The following SNCB variants were observed in gnomAD, a reference collection of about 807,000 sequenced individuals.
SNCB encodes synuclein beta.
SNCB carries 8 observed loss-of-function variants against 20.0 expected under a neutral mutation model. The ratio of observed to expected loss-of-function variants is 0.40; its 90% CI spans 0.24 to 0.72. The LOEUF is 0.72. Ranked by LOEUF, SNCB falls within the 30% of genes least tolerant of loss-of-function variation. The probability of loss-of-function intolerance (pLI) is 0.37; values close to 1 mark genes in which losing one functional copy is unlikely to be tolerated. For missense variants in SNCB, 125 were observed against 168.0 expected, an observed-to-expected ratio of 0.74 and a Z score of 1.41; for synonymous variants, 56 against 65.4, an observed-to-expected ratio of 0.86 and a Z score of 0.69.
chr5:176,629,052 A>G lies in SNCB; in HGVS notation c.121+482T>C, dbSNP rs376808249. Among the ~76,000 whole-genome samples the G allele has an allele frequency of 4.9e-4, 75 of 152,280 alleles. 1 individual carries two copies. Among genetic ancestry groups the G allele is most frequent in the African/African-American group, 1.6e-3 (66 of 41,566 alleles). Reference sequence around the variant, plus strand: ...GGGGAGGGGTGGGGCTTCAGAATCTATAAAGCTCCGTTCAAACCCCAGCTT... The same window carrying G: ...GGGGAGGGGTGGGGCTTCAGAATCTGTAAAGCTCCGTTCAAACCCCAGCTT... On this transcript the variant is annotated intron_variant, in intron 2 of 5. Coordinates refer to ENST00000393693, the MANE Select transcript of SNCB (RefSeq NM_003085.5). This position sits in a 1 kb window ranked among gnomAD's most constrained non-coding sequence, Gnocchi z 4.1.
chr5:176,621,451 G>A lies in SNCB; in HGVS notation c.283-148C>T, dbSNP rs1759590335. ...TTTCTAATTCAGTTATTTATTTGGA[G>A]TGCCTTGGAAGTGGGATGGAGGTGA... On this transcript the variant is annotated intron_variant, in intron 4 of 5. Coordinates refer to ENST00000393693, the MANE Select transcript of SNCB (RefSeq NM_003085.5). This position sits in a 1 kb window ranked among gnomAD's most constrained non-coding sequence, Gnocchi z 4.1. The A allele has an allele frequency of 1.4e-6, 1 of 719,944 alleles. No individual in the cohort carries two copies. 44.6% of individuals were successfully genotyped at this position (719,944 alleles called of 1,614,324 possible). A position where few individuals can be genotyped will look rare whatever the true frequency, so the allele number is the denominator to read the frequency against.
intron 2 of SNCB, among the ~76,000 whole-genome samples, chr5:176,628,592 C>T (rs750865539): frequency 7.2e-5 from 11 of 152,186 alleles, no homozygotes; most frequent in Non-Finnish European, 1.6e-4. Context: ...CCACTACTTC[C>T]TGCCCTGCCC....
rs1581178683 is a variant in SNCB at position 176,629,674 on chromosome 5, C to T, written c.-9-11G>A. ...GTCCATCCTGGCGGCCTGGGGAGGGCGATACACGGGCACCGGTGCACTGGC... is the reference window on the plus strand; with the variant it reads ...GTCCATCCTGGCGGCCTGGGGAGGGTGATACACGGGCACCGGTGCACTGGC... On this transcript the variant is annotated splice_polypyrimidine_tract_variant and intron_variant, in intron 1 of 5. Coordinates refer to ENST00000393693, the MANE Select transcript of SNCB (RefSeq NM_003085.5). This position sits in a 1 kb window ranked among gnomAD's most constrained non-coding sequence, Gnocchi z 4.1. The T allele has an allele frequency of 4.3e-6, 7 of 1,611,558 alleles. No homozygotes were observed. Among genetic ancestry groups the T allele is most frequent in the African/African-American group, 2.7e-5 (2 of 75,014 alleles).
At position 176,621,393 on chromosome 5, in the gene SNCB, G is replaced by A. The variant is rs114904562; in HGVS notation, c.283-90C>T. The A allele has an allele frequency of 1.0e-3, 1,040 of 1,032,112 alleles. 6 individuals are homozygous for A. The African/African-American group carries it at 0.014, about 14-fold the overall frequency. 63.9% of individuals were successfully genotyped at this position (1,032,112 alleles called of 1,614,324 possible). A position where few individuals can be genotyped will look rare whatever the true frequency, so the allele number is the denominator to read the frequency against. On this transcript the variant is annotated intron_variant, in intron 4 of 5. Transcript: ENST00000393693. The surrounding 1 kb of genome is among the most constrained non-coding windows in gnomAD (Gnocchi z 4.1). ...TAAGCTTTGGGTGGGTTGGAGTGGG[G>A]AAGGCTAGGGTGGGTTGGCAGAGCA...
intron 2 of SNCB, among the ~76,000 whole-genome samples, chr5:176,627,519 C>T (rs1421080307): frequency 6.6e-6 from 1 of 152,164 alleles, no homozygotes; most frequent in Non-Finnish European, 1.5e-5. Context: ...GTCTGGGGGC[C>T]GCTGGGAAGG....
rs6879864 is a variant in SNCB, at chr5:176,629,805, C to T, written c.-9-142G>A. 1,143,201 of 1,160,720 alleles carry T rather than the reference C, an allele frequency of 0.98. 564,749 individuals carry two copies. Among genetic ancestry groups the T allele is most frequent in the East Asian group, 1 (37,362 of 37,362 alleles). The allele number at this position is 1,160,720 out of a possible 1,614,324, so 71.9% of individuals were successfully genotyped here. On this transcript the variant is annotated intron_variant, in intron 1 of 5. Coordinates refer to ENST00000393693, the MANE Select transcript of SNCB (RefSeq NM_003085.5). The surrounding 1 kb of genome is among the most constrained non-coding windows in gnomAD (Gnocchi z 4.1). ...AGCCCCCTCCCGCTTTCCCCCCATC[C>T]CACCCCACTCCCCAGTGCGAAGCCT...
intron 4 of SNCB, among the ~76,000 whole-genome samples, chr5:176,623,612 G>C (rs1487758009): frequency 6.6e-6 from 1 of 152,148 alleles, no homozygotes; most frequent in Admixed American, 6.5e-5. Flanking sequence ...GGGGTCCTGG[G>C]GGGTAGTGTT....
intron 4 of SNCB, among the ~76,000 whole-genome samples, chr5:176,623,428 C>A (rs1209433775): frequency 6.6e-6 from 1 of 152,010 alleles, no homozygotes; most frequent in Non-Finnish European, 1.5e-5. Context: ...GGGCGATAGG[C>A]AGGGCCAGGA....
intron 4 of SNCB, among the ~76,000 whole-genome samples, chr5:176,625,094 G>A (rs968097116): frequency 6.6e-6 from 1 of 152,216 alleles, no homozygotes; most frequent in African/African-American, 2.4e-5. Flanking sequence ...CATTCACAGC[G>A]AATGCCTGCA....
chr5:176,627,632 TG>T (rs1203195544), intron 2 of SNCB, among the ~76,000 whole-genome samples: 1 of 148,448 alleles, frequency 6.7e-6, no homozygotes, highest in African/African-American at 2.5e-5. Flanking sequence ...GAGCCAGAAC[TG>T]GGTGTCTAGG....
rs2113403136 is a variant in SNCB, at chr5:176,626,693, G to A, written c.163+27C>T. 1.2e-6 allele frequency: 2 copies of A among 1,613,196 alleles called. No homozygotes were observed. The highest frequency in any genetic ancestry group is 1.7e-6 in the Non-Finnish European group (2 of 1,179,260). ...CAGATCATCCGCCTAAGTGAGAGAA[G>A]GGCTGGTGCCAGGGCTGGGCTAGTA... On this transcript the variant is annotated intron_variant, in intron 3 of 5. Coordinates refer to ENST00000393693, the MANE Select transcript of SNCB (RefSeq NM_003085.5). The surrounding 1 kb of genome is among the most constrained non-coding windows in gnomAD (Gnocchi z 4.2).
Position 176,629,256 on chromosome 5 carries a change from G to C in SNCB, c.121+278C>G, listed in dbSNP as rs998165058. On this transcript the variant is annotated intron_variant, in intron 2 of 5. Transcript: ENST00000393693. This position sits in a 1 kb window ranked among gnomAD's most constrained non-coding sequence, Gnocchi z 4.1. ...GATAACTATTAATAATGGTAAAAAA[G>C]ATAAGAAAAAGGAGGCTGTCTGCTT... 2.0e-5 allele frequency among the ~76,000 whole-genome samples: 3 copies of C among 152,114 alleles called. No individual in the cohort carries two copies. In the East Asian group the frequency reaches 5.8e-4, roughly 29 times the overall value.
At chr5:176,628,536 G>T (rs79303614) in intron 2 of SNCB, among the ~76,000 whole-genome samples, 1,734 of 152,228 alleles carry the variant, frequency 0.011, 31 homozygotes, top group African/African-American at 0.04. Context: ...CCTGCAAAGG[G>T]CCCTCGTGAA....
Position 176,629,599 on chromosome 5 carries a change from G to C in SNCB, c.56C>G (p.Ala19Gly). The C allele has an allele frequency of 6.2e-7, 1 of 1,613,496 alleles. No homozygotes were observed. The highest frequency in any genetic ancestry group is 8.5e-7 in the Non-Finnish European group (1 of 1,179,840). ...SMAKEGVVAA[A>G]EKTKQGVTEA... ...GGTGACCCCCTGCTTGGTTTTCTCCGCGGCTGCCACAACGCCCTCCTTGGC... is the reference window on the plus strand; with the variant it reads ...GGTGACCCCCTGCTTGGTTTTCTCCCCGGCTGCCACAACGCCCTCCTTGGC... Residue 19 changes from alanine to glycine, a missense_variant, in exon 2 of 6, where the codon GCG becomes GGG. Physicochemically the swap from Ala to Gly is moderately conservative, Grantham distance 60. Transcript: ENST00000393693. This position sits in a 1 kb window ranked among gnomAD's most constrained non-coding sequence, Gnocchi z 4.1.
rs1759628494 is a variant in SNCB at position 176,621,908 on chromosome 5, T to A, written c.283-605A>T. ...ACAGGCGCAGACCAGCGGGCATGCATGTGGGCGGGCTGCCAGACACATGGC... is the reference window on the plus strand; with the variant it reads ...ACAGGCGCAGACCAGCGGGCATGCAAGTGGGCGGGCTGCCAGACACATGGC... On this transcript the variant is annotated intron_variant, in intron 4 of 5. Coordinates refer to ENST00000393693, the MANE Select transcript of SNCB (RefSeq NM_003085.5). The surrounding 1 kb of genome is among the most constrained non-coding windows in gnomAD (Gnocchi z 4.1). Among the ~76,000 whole-genome samples, 1 of 152,200 alleles carries A rather than the reference T, an allele frequency of 6.6e-6. No homozygotes were observed. The highest frequency in any genetic ancestry group is 2.4e-5 in the African/African-American group (1 of 41,444).
chr5:176,623,331 G>A (rs927794271), intron 4 of SNCB, among the ~76,000 whole-genome samples: 3 of 152,132 alleles, frequency 2.0e-5, no homozygotes, highest in African/African-American at 7.2e-5. Flanking sequence ...AGGTTTCAGT[G>A]AGCTGAGATT....
chr5:176,626,690 G>A lies in SNCB; in HGVS notation c.163+30C>T, dbSNP rs778155792. The A allele has an allele frequency of 6.2e-7, 1 of 1,612,904 alleles. No homozygotes were observed. Among genetic ancestry groups the A allele is most frequent in the East Asian group, 2.2e-5 (1 of 44,862 alleles). ...GGCCAGATCATCCGCCTAAGTGAGA[G>A]AAGGGCTGGTGCCAGGGCTGGGCTA... On this transcript the variant is annotated intron_variant, in intron 3 of 5. Transcript: ENST00000393693. The surrounding 1 kb of genome is among the most constrained non-coding windows in gnomAD (Gnocchi z 4.2).
chr5:176,626,749 C>T lies in SNCB; in HGVS notation c.134G>A (p.Arg45Gln), dbSNP rs745388495. ...EGVLYVGSKT[R>Q]EGVVQGVASV... is the part of the protein sequence containing the mutation. ...AGCCACACCTTGTACCACACCTTCTCGGGTCTTGCTTCCTGCAGGGAGAAA... is the reference window on the plus strand; with the variant it reads ...AGCCACACCTTGTACCACACCTTCTTGGGTCTTGCTTCCTGCAGGGAGAAA... Residue 45 changes from arginine (R) to glutamine (Q), a missense_variant, in exon 3 of 6, where the codon CGA becomes CAA. Coordinates refer to ENST00000393693, the MANE Select transcript of SNCB (RefSeq NM_003085.5). This position sits in a 1 kb window ranked among gnomAD's most constrained non-coding sequence, Gnocchi z 4.2. The T allele has an allele frequency of 1.2e-5, 19 of 1,614,014 alleles. No homozygotes were observed. The highest frequency in any genetic ancestry group is 4.5e-5 in the East Asian group (2 of 44,900).
Position 176,620,571 on chromosome 5 carries a change from T to C in SNCB, c.*240A>G. On this transcript the variant is annotated 3_prime_UTR_variant, in exon 6 of 6. Coordinates refer to ENST00000393693, the MANE Select transcript of SNCB (RefSeq NM_003085.5). The surrounding 1 kb of genome is among the most constrained non-coding windows in gnomAD (Gnocchi z 4.5). ...GACGCTGGATGGGAGGAGGCAACAC[T>C]GGAGGGGCGAGGCTCCCAGCCGCGA... 3 of 595,530 alleles carry C rather than the reference T, an allele frequency of 5.0e-6. No individual in the cohort carries two copies. Among genetic ancestry groups the C allele is most frequent in the Non-Finnish European group, 9.0e-6 (3 of 333,940 alleles). The allele number at this position is 595,530 out of a possible 1,614,324, so 36.9% of individuals were successfully genotyped here. A position where few individuals can be genotyped will look rare whatever the true frequency, so the allele number is the denominator to read the frequency against.
Sources: allele counts gnomAD v4.1 joint callset (sites outside exome capture counted in the v4.1 genomes callset), GRCh38; gene constraint gnomAD v4.1.1; non-coding constraint Gnocchi (gnomAD v3.1); transcripts MANE v1.5; gene names NCBI Gene and HGNC (gene_info 2026-07-23, HGNC 2026-07-21).